The following MTLN variants were observed in gnomAD, a reference collection of about 807,000 sequenced individuals.
MTLN encodes the protein TP53-inhibiting lncRNA.
chr2:110,212,531 C>T lies in MTLN; in HGVS notation c.-6G>A. On this transcript the variant is annotated 5_prime_UTR_variant, in exon 1 of 2. Coordinates refer to ENST00000611969, the MANE Select transcript of MTLN (RefSeq NM_001384134.1). The stretch of plus-strand genomic sequence containing the variant: ...CTCTCTGACACATCCGCCATGGCTG[C>T]CGCCGGCGTGCAGCGCGGTCTACGG... 2.5e-6 allele frequency: 1 copy of T among 398,886 alleles called. No homozygotes were observed. The highest frequency in any genetic ancestry group is 3.6e-5 in the East Asian group (1 of 28,060). The allele number at this position is 398,886 out of a possible 1,614,324, so 24.7% of individuals were successfully genotyped here.
Position 110,211,642 on chromosome 2 carries a change from G to A in MTLN, c.*141-20C>T, listed in dbSNP as rs1471577714. Reference sequence around the variant, plus strand: ...AACAAGCTGTTAGAAACAGAAAAGAGAAAAAAATTAGAAATACACAATCTG... The same window carrying A: ...AACAAGCTGTTAGAAACAGAAAAGAAAAAAAAATTAGAAATACACAATCTG... On this transcript the variant is annotated intron_variant, in intron 1 of 1. Coordinates refer to ENST00000611969, the MANE Select transcript of MTLN (RefSeq NM_001384134.1). 2 of 152,080 alleles carry A rather than the reference G, an allele frequency of 1.3e-5. No individual in the cohort carries two copies. Among genetic ancestry groups the A allele is most frequent in the Non-Finnish European group, 2.9e-5 (2 of 67,998 alleles). The allele number at this position is 152,080 out of a possible 1,614,324, so 9.4% of individuals were successfully genotyped here.
At chr2:110,211,680 G>A (rs568251848) in intron 1 of MTLN, 58 bp from the exon 2 acceptor site, 1 of 152,242 alleles carries the variant, frequency 6.6e-6, no homozygotes, top group Admixed American at 6.5e-5. Flanking sequence ...ACTTCAAGCC[G>A]TACTGTGGTA....
At position 110,212,366 on chromosome 2, in the gene MTLN, C is replaced by T. The variant is rs1304998310; in HGVS notation, c.160G>A (p.Asp54Asn). ...DKLAATQKKL[D>N]LA ...GAAGGCGCAGAGTCTCAGGCCAGGTCCAGCTTCTTCTGCGTCGCCGCCAGC... is the reference window on the plus strand; with the variant it reads ...GAAGGCGCAGAGTCTCAGGCCAGGTTCAGCTTCTTCTGCGTCGCCGCCAGC... Residue 54 changes from aspartate to asparagine, a missense_variant, in exon 1 of 2, where the codon GAC becomes AAC. By Grantham distance (23) the Asp-to-Asn change is conservative. Coordinates refer to ENST00000611969, the MANE Select transcript of MTLN (RefSeq NM_001384134.1). The T allele has an allele frequency of 7.5e-6, 3 of 398,304 alleles. No individual in the cohort carries two copies. In the Admixed American group the frequency reaches 1.3e-4, roughly 18 times the overall value. The allele number at this position is 398,304 out of a possible 1,614,324, so 24.7% of individuals were successfully genotyped here.
In MTLN at chr2:110,212,505, C is replaced by T. The variant is rs1559119195; in HGVS notation, c.21G>A (p.Arg7=). ...CTACTAGCACGGACAACTGCAGTGT[C>T]CTCTCTGACACATCCGCCATGGCTG... MADVSE[R]TLQLSVLVAF... is the part of the protein sequence containing the mutation. The change falls in exon 1 of 2, where the codon AGG becomes AGA. Residue 7 remains arginine, a synonymous_variant. Coordinates refer to ENST00000611969, the MANE Select transcript of MTLN (RefSeq NM_001384134.1). The T allele has an allele frequency of 5.0e-6, 2 of 398,844 alleles. No homozygotes were observed. The highest frequency in any genetic ancestry group is 2.1e-5 in the African/African-American group (1 of 48,626). 24.7% of individuals were successfully genotyped at this position (398,844 alleles called of 1,614,324 possible).
In MTLN at chr2:110,212,382, C is replaced by T. The variant is rs559252972; in HGVS notation, c.144G>A (p.Ala48=). The T allele has an allele frequency of 2.0e-4, 81 of 398,626 alleles. No homozygotes were observed. Among genetic ancestry groups the T allele is most frequent in the Middle Eastern group, 1.9e-3 (3 of 1,590 alleles). The allele number at this position is 398,626 out of a possible 1,614,324, so 24.7% of individuals were successfully genotyped here. ...RKRRLQDKLA[A]TQKKLDLA is the part of the protein sequence containing the mutation. ...AGGCCAGGTCCAGCTTCTTCTGCGT[C>T]GCCGCCAGCTTGTCCTGCAGCCTCC... Residue 48 remains alanine, a synonymous_variant, in exon 1 of 2, where the codon GCG becomes GCA. Transcript: ENST00000611969.
chr2:110,212,229 G>A lies in MTLN; in HGVS notation c.*126C>T, dbSNP rs1686113701. The stretch of plus-strand genomic sequence containing the variant: ...GTACTGCTCACCAACACTCCAGGAA[G>A]AGCCGGCCATGGCAGGCGGGGACTG... On this transcript the variant is annotated 3_prime_UTR_variant, in exon 1 of 2. Coordinates refer to ENST00000611969, the MANE Select transcript of MTLN (RefSeq NM_001384134.1). 1.0e-5 allele frequency: 4 copies of A among 393,176 alleles called. No homozygotes were observed. The highest frequency in any genetic ancestry group is 1.8e-5 in the Non-Finnish European group (4 of 224,412). The allele number at this position is 393,176 out of a possible 1,614,324, so 24.4% of individuals were successfully genotyped here. A position where few individuals can be genotyped will look rare whatever the true frequency, so the allele number is the denominator to read the frequency against.
Position 110,211,627 on chromosome 2 carries a change from TAGAAAC to T in MTLN, c.*141-11_*141-6del, listed in dbSNP as rs1686104535. ...TCTATATGCATCTTCAACAAGCTGT[TAGAAAC>T]AGAAAAGAGAAAAAAATTAGAAATA... On this transcript the variant is annotated splice_polypyrimidine_tract_variant and splice_region_variant and intron_variant, in intron 1 of 1. Transcript: ENST00000611969. 1.3e-5 allele frequency: 2 copies of T among 152,240 alleles called. No individual in the cohort carries two copies. Among genetic ancestry groups the T allele is most frequent in the Middle Eastern group, 3.4e-3 (1 of 294 alleles). The allele number at this position is 152,240 out of a possible 1,614,324, so 9.4% of individuals were successfully genotyped here.
chr2:110,212,198 C>T lies in MTLN; in HGVS notation c.*140+17G>A. On this transcript the variant is annotated intron_variant, in intron 1 of 1. Coordinates refer to ENST00000611969, the MANE Select transcript of MTLN (RefSeq NM_001384134.1). ...CCCAAAGTCTCCCTTTGCAATGTCA[C>T]TATGTGTACTGCTCACCAACACTCC... 2.5e-6 allele frequency: 1 copy of T among 396,888 alleles called. No individual in the cohort carries two copies. The highest frequency in any genetic ancestry group is 1.4e-4 in the South Asian group (1 of 6,998). The allele number at this position is 396,888 out of a possible 1,614,324, so 24.6% of individuals were successfully genotyped here.
chr2:110,211,818 C>T (rs1229805306), intron 1 of MTLN, among the ~76,000 whole-genome samples, 196 bp from the exon 2 acceptor site: 2 of 152,186 alleles, frequency 1.3e-5, no homozygotes, highest in Non-Finnish European at 2.9e-5. Context: ...ACTGCTCTTT[C>T]CACTTTACCA....
At chr2:110,212,022 A>G (rs1037948027) in intron 1 of MTLN, among the ~76,000 whole-genome samples, 193 bp downstream of exon 1, 4 of 152,168 alleles carry the variant, frequency 2.6e-5, no homozygotes, top group Non-Finnish European at 5.9e-5. Flanking sequence ...GCACGTTGGT[A>G]AGACATTCTC....
At position 110,212,352 on chromosome 2, in the gene MTLN, G is replaced by C. The variant is rs1686117446; in HGVS notation, c.*3C>G. ...GACAGAATGGGGCGGAAGGCGCAGAGTCTCAGGCCAGGTCCAGCTTCTTCT... is the reference window on the plus strand; with the variant it reads ...GACAGAATGGGGCGGAAGGCGCAGACTCTCAGGCCAGGTCCAGCTTCTTCT... On this transcript the variant is annotated 3_prime_UTR_variant, in exon 1 of 2. Coordinates refer to ENST00000611969, the MANE Select transcript of MTLN (RefSeq NM_001384134.1). The C allele has an allele frequency of 2.5e-6, 1 of 398,132 alleles. No homozygotes were observed. The highest frequency in any genetic ancestry group is 4.4e-6 in the Non-Finnish European group (1 of 225,998). 24.7% of individuals were successfully genotyped at this position (398,132 alleles called of 1,614,324 possible).
chr2:110,212,305 A>C lies in MTLN; in HGVS notation c.*50T>G, dbSNP rs1433668851. The C allele has an allele frequency of 3.2e-5, 11 of 340,208 alleles. No homozygotes were observed. In the East Asian group the frequency reaches 3.4e-4, roughly 10 times the overall value. 21.1% of individuals were successfully genotyped at this position (340,208 alleles called of 1,614,324 possible). A position where few individuals can be genotyped will look rare whatever the true frequency, so the allele number is the denominator to read the frequency against. On this transcript the variant is annotated 3_prime_UTR_variant, in exon 1 of 2. Transcript: ENST00000611969. ...GGCGGACCGGGGCTCCGGCGCGGAC[A>C]TGGCAAGGTGGCCATGAGGGGGACA...
chr2:110,212,300 C>T lies in MTLN; in HGVS notation c.*55G>A. ...GCGCCGGCGGACCGGGGCTCCGGCGCGGACATGGCAAGGTGGCCATGAGGG... is the reference window on the plus strand; with the variant it reads ...GCGCCGGCGGACCGGGGCTCCGGCGTGGACATGGCAAGGTGGCCATGAGGG... On this transcript the variant is annotated 3_prime_UTR_variant, in exon 1 of 2. Coordinates refer to ENST00000611969, the MANE Select transcript of MTLN (RefSeq NM_001384134.1). 1 of 340,156 alleles carries T rather than the reference C, an allele frequency of 2.9e-6. No individual in the cohort carries two copies. The highest frequency in any genetic ancestry group is 4.6e-5 in the African/African-American group (1 of 21,828). 21.1% of individuals were successfully genotyped at this position (340,156 alleles called of 1,614,324 possible).
intron 1 of MTLN, among the ~76,000 whole-genome samples, chr2:110,211,927 T>C (rs1686108869): frequency 6.6e-6 from 1 of 152,224 alleles, no homozygotes; most frequent in African/African-American, 2.4e-5. Context: ...GGTGGCAAGA[T>C]CACCTCCCTG....
At position 110,212,257 on chromosome 2, in the gene MTLN, T is replaced by G. The variant is rs975746854; in HGVS notation, c.*98A>C. ...CCGGCCATGGCAGGCGGGGACTGTG[T>G]GGCAAGCCTGGTTCTGGGCGCCGGC... is the stretch of plus-strand genomic sequence containing the variant. On this transcript the variant is annotated 3_prime_UTR_variant, in exon 1 of 2. Coordinates refer to ENST00000611969, the MANE Select transcript of MTLN (RefSeq NM_001384134.1). The G allele has an allele frequency of 2.5e-6, 1 of 398,106 alleles. No homozygotes were observed. Among genetic ancestry groups the G allele is most frequent in the African/African-American group, 2.1e-5 (1 of 48,626 alleles). 24.7% of individuals were successfully genotyped at this position (398,106 alleles called of 1,614,324 possible). A position where few individuals can be genotyped will look rare whatever the true frequency, so the allele number is the denominator to read the frequency against.
chr2:110,212,499 CAG>C lies in MTLN; in HGVS notation c.25_26del (p.Leu9AlafsTer120), dbSNP rs1686121643. The C allele has an allele frequency of 2.5e-6, 1 of 398,822 alleles. No individual in the cohort carries two copies. The highest frequency in any genetic ancestry group is 4.4e-6 in the Non-Finnish European group (1 of 225,986). The allele number at this position is 398,822 out of a possible 1,614,324, so 24.7% of individuals were successfully genotyped here. On this transcript the variant is annotated frameshift_variant, in exon 1 of 2. Transcript: ENST00000611969. LOFTEE classifies it high-confidence loss of function. ...CGAAGGCTACTAGCACGGACAACTG[CAG>C]TGTCCTCTCTGACACATCCGCCATG... MADVSERTLQLSVLVAFAS... is the reference protein window; with the variant it reads MADVSERTXQLSVLVAFAS...
intron 1 of MTLN, among the ~76,000 whole-genome samples, 184 bp downstream of exon 1, chr2:110,212,031 T>C (rs1686110757): frequency 6.6e-6 from 1 of 152,176 alleles, no homozygotes; most frequent in South Asian, 2.1e-4. Flanking sequence ...TAAGACATTC[T>C]CATTAAACAC....
Position 110,212,433 on chromosome 2 carries a change from C to T in MTLN, c.93G>A (p.Arg31=). The T allele has an allele frequency of 2.5e-6, 1 of 399,466 alleles. No individual in the cohort carries two copies. Among genetic ancestry groups the T allele is most frequent in the Non-Finnish European group, 4.4e-6 (1 of 226,448 alleles). 24.7% of individuals were successfully genotyped at this position (399,466 alleles called of 1,614,324 possible). ...TTTTCCTCCAGTCCAAGTAGCGCCT[C>T]CGCAGTCGGTTCGCCTGCCAGCCCA... is the stretch of plus-strand genomic sequence containing the variant. The part of the protein sequence containing the change: ...VLLGWQANRL[R]RRYLDWRKRR... Residue 31 remains arginine (R), a synonymous_variant, in exon 1 of 2, where the codon CGG becomes CGA. Transcript: ENST00000611969.
chr2:110,212,119 C>G, intron 1 of MTLN, 96 bp downstream of exon 1: 1 of 373,458 alleles, frequency 2.7e-6, no homozygotes. Context: ...TCTGTGGGAA[C>G]AAGTCCTGTC....
Sources: gnomAD v4.1 joint callset for allele counts (sites outside exome capture counted in the v4.1 genomes callset) on GRCh38, gnomAD v4.1.1 for gene constraint, MANE v1.5 for transcripts, NCBI Gene and HGNC (gene_info 2026-07-23, HGNC 2026-07-21) for gene names.